Variants in FBXO34 observed in about 807,000 individuals in gnomAD.
The protein encoded by FBXO34 is F-box only protein 34.
In FBXO34, 12 loss-of-function variants were observed where a neutral mutation model predicts 24.5. That is an observed-to-expected ratio of 0.49 (90% confidence interval 0.31 to 0.79). The LOEUF (loss-of-function observed/expected upper bound fraction) is 0.79. Ranked by LOEUF, FBXO34 falls within the 30% of genes least tolerant of loss-of-function variation. FBXO34 has a pLI of 0.04. For synonymous variants in FBXO34, 320 were observed against 311.9 expected, an observed-to-expected ratio of 1.03 and a Z score of -0.27; for missense variants, 823 against 857.7, an observed-to-expected ratio of 0.96 and a Z score of 0.51.
At chr14:55,403,164 G>A in the FBXO34 span, among the ~76,000 whole-genome samples, 1 of 151,538 alleles carries the variant, frequency 6.6e-6, no homozygotes, top group Admixed American at 6.6e-5. Context: ...TTCCTCATTT[G>A]TAAAATGGGA....
At chr14:55,272,079 G>A (rs1035452911) in intron 1 of FBXO34, 2 of 152,236 alleles carry the variant, frequency 1.3e-5, no homozygotes, top group African/African-American at 2.4e-5. Flanking sequence ...AGTCGACTGC[G>A]GTTCGTCCTC....
At position 55,327,908 on chromosome 14, in the gene FBXO34, G is replaced by GTTTTTTT. The variant is rs386381425; in HGVS notation, c.-10-22444_-10-22438dup. The stretch of plus-strand genomic sequence containing the variant: ...CATATGATTTTCTTTGTTGTTGTTG[G>GTTTTTTT]TTTTTTTTTTTTTTTTTTTTTTTTT... On this transcript the variant is annotated intron_variant, in intron 1 of 1. Transcript: ENST00000313833. Among the ~76,000 whole-genome samples, 94 of 48,728 alleles carry GTTTTTTT rather than the reference G, an allele frequency of 1.9e-3. 15 individuals are homozygous for GTTTTTTT. The highest frequency in any genetic ancestry group is 3.4e-3 in the East Asian group (5 of 1,492). The allele number at this position is 48,728 out of a possible 152,430, so 32.0% of individuals were successfully genotyped here.
the FBXO34 span, among the ~76,000 whole-genome samples, chr14:55,427,141 A>G: frequency 6.6e-6 from 1 of 152,356 alleles, no homozygotes; most frequent in Admixed American, 6.5e-5. Flanking sequence ...AGGCTTTATT[A>G]GGAAATCTGC....
chr14:55,381,557 TACTC>T, the FBXO34 span, among the ~76,000 whole-genome samples: 1,002 of 152,372 alleles, frequency 6.6e-3, 8 homozygotes, highest in Middle Eastern at 0.027. Context: ...GATGGAATAT[TACTC>T]AACCATAAAA....
chr14:55,281,934 C>T (rs1304305635), intron 1 of FBXO34, among the ~76,000 whole-genome samples: 3 of 144,040 alleles, frequency 2.1e-5, no homozygotes, highest in African/African-American at 7.9e-5. Context: ...AAATTTGTAG[C>T]TTTACGTTTT....
the FBXO34 span, chr14:55,436,901 T>C: frequency 1.9e-6 from 3 of 1,614,208 alleles, no homozygotes; most frequent in Non-Finnish European, 8.5e-7. Flanking sequence ...TCACCAGATG[T>C]TTCTTTGACT....
intron 1 of FBXO34, among the ~76,000 whole-genome samples, chr14:55,324,335 T>C (rs372301052): frequency 6.6e-6 from 1 of 152,214 alleles, no homozygotes; most frequent in South Asian, 2.1e-4. Flanking sequence ...TACCCATTTA[T>C]CTCTTGGTAG....
the FBXO34 span, among the ~76,000 whole-genome samples, chr14:55,422,231 T>G: frequency 6.6e-6 from 1 of 152,316 alleles, no homozygotes; most frequent in Admixed American, 6.5e-5. Context: ...GAGATCAGTT[T>G]GGCTCAGGCC....
chr14:55,388,925 A>T, the FBXO34 span, among the ~76,000 whole-genome samples: 1 of 152,214 alleles, frequency 6.6e-6, no homozygotes, highest in African/African-American at 2.4e-5. Context: ...GGAGGACAGA[A>T]ATACAGAGTA....
the FBXO34 span, chr14:55,429,107 G>A: frequency 4.5e-6 from 5 of 1,110,706 alleles, no homozygotes; most frequent in East Asian, 1.3e-4. Context: ...GGCTTTGTGA[G>A]GAGGACTTAC....
chr14:55,334,144 C>G (rs1301532833), intron 1 of FBXO34, among the ~76,000 whole-genome samples: 4 of 152,086 alleles, frequency 2.6e-5, no homozygotes, highest in Non-Finnish European at 5.9e-5. Context: ...GAACAGTAAC[C>G]AAGATGAAGA....
downstream of FBXO34, among the ~76,000 whole-genome samples, chr14:55,354,744 C>T (rs771065928): frequency 6.6e-6 from 1 of 152,148 alleles, no homozygotes; most frequent in African/African-American, 2.4e-5. Flanking sequence ...CCTCCCAGGG[C>T]TTCATTTCTA....
At chr14:55,316,354 A>T (rs1882925242) in intron 1 of FBXO34, among the ~76,000 whole-genome samples, 1 of 152,014 alleles carries the variant, frequency 6.6e-6, no homozygotes. Context: ...TGGGAGGCCA[A>T]GGTAGGTCTA....
At chr14:55,400,586 T>G in the FBXO34 span, among the ~76,000 whole-genome samples, 4 of 152,190 alleles carry the variant, frequency 2.6e-5, no homozygotes, top group Admixed American at 2.6e-4. Context: ...GCTTTCAAGT[T>G]TCTCCATGAG....
At chr14:55,347,070 C>T (rs1395631436) in intron 1 of FBXO34, among the ~76,000 whole-genome samples, 1 of 152,204 alleles carries the variant, frequency 6.6e-6, no homozygotes, top group Non-Finnish European at 1.5e-5. Context: ...ATCTTAATTT[C>T]TTCTAAGGGC....
At chr14:55,312,157 ACC>A (rs1039377846) in intron 1 of FBXO34, among the ~76,000 whole-genome samples, 5 of 151,950 alleles carry the variant, frequency 3.3e-5, no homozygotes, top group African/African-American at 4.8e-5. Flanking sequence ...CTGAGATCAC[ACC>A]ACTGCACTCC....
chr14:55,313,915 G>A (rs1451530131), intron 1 of FBXO34, among the ~76,000 whole-genome samples: 1 of 152,124 alleles, frequency 6.6e-6, no homozygotes, highest in Non-Finnish European at 1.5e-5. Context: ...GAAACTGTGT[G>A]TGTGTGAGAC....
chr14:55,411,987 C>T, the FBXO34 span: 8 of 647,610 alleles, frequency 1.2e-5, no homozygotes, highest in African/African-American at 1.3e-4. Flanking sequence ...TTCCGGTCTG[C>T]TGAGGGGCAA....
At chr14:55,393,241 C>T in the FBXO34 span, among the ~76,000 whole-genome samples, 17 of 151,868 alleles carry the variant, frequency 1.1e-4, no homozygotes, top group East Asian at 1.9e-4. Flanking sequence ...AAAACTTAGC[C>T]GGGCGTGGTG....
Sources: allele counts gnomAD v4.1 joint callset (sites outside exome capture counted in the v4.1 genomes callset), GRCh38; gene constraint gnomAD v4.1.1; transcripts MANE v1.5; gene names NCBI Gene and HGNC (gene_info 2026-07-23, HGNC 2026-07-21).